The following TULP4 variants were observed in gnomAD, a reference collection of about 807,000 sequenced individuals.
TULP4 encodes the protein TUB like protein 4, also known as tubby-related protein 4.
TULP4 carries 16 observed loss-of-function variants against 129.0 expected under a neutral mutation model. The observed-to-expected ratio is 0.12, with a 90% CI of 0.08 to 0.19. TULP4 has a LOEUF of 0.19. TULP4 is among the 10% of genes least tolerant of loss of function. TULP4 has a pLI of 1.00. For synonymous variants in TULP4, 998 were observed against 854.0 expected (o/e 1.17, Z -2.94); for missense variants, 1,842 against 2,059.1 (o/e 0.89, Z 2.04).
chr6:158,314,408 T>C (rs1779439260), intron 1 of TULP4, 140 bp downstream of exon 1: 6 of 1,054,898 alleles, frequency 5.7e-6, no homozygotes, highest in South Asian at 1.6e-5. Context: ...CTGTCTCTTA[T>C]TCTCTGGCAG....
intron 3 of TULP4, among the ~76,000 whole-genome samples, chr6:158,446,800 A>G (rs1360370903): frequency 6.6e-6 from 1 of 152,142 alleles, no homozygotes; most frequent in Non-Finnish European, 1.5e-5. Flanking sequence ...GGGTCCTCAC[A>G]TGGCCTTTCC....
rs758770940 is a variant in TULP4, at chr6:158,481,057, C to A, written c.1254C>A (p.Pro418=). 10 of 1,559,752 alleles carry A rather than the reference C, an allele frequency of 6.4e-6. No homozygotes were observed. The highest frequency in any genetic ancestry group is 8.7e-6 in the Non-Finnish European group (10 of 1,149,440). Residue 418 remains proline (P), a splice_region_variant and synonymous_variant, in exon 8 of 14, where the codon CCC becomes CCA. Coordinates refer to ENST00000367097, the MANE Select transcript of TULP4 (RefSeq NM_020245.5). ...LSTAFIPTIK[P]PIPDPNNMRD... ...CATTTTCTTCCTGTATCCTCCAGCC[C>A]CCAATTCCAGATCCGAACAACATGA...
intron 1 of TULP4, among the ~76,000 whole-genome samples, chr6:158,296,288 C>T (rs1186111874): frequency 6.6e-6 from 1 of 152,076 alleles, no homozygotes; most frequent in African/African-American, 2.4e-5. Flanking sequence ...TGGGGGAACC[C>T]GCCCCCAATA....
In TULP4 at chr6:158,493,422, G is replaced by A; in HGVS notation, c.1632-151G>A. 1 of 670,212 alleles carries A rather than the reference G, an allele frequency of 1.5e-6. No homozygotes were observed. The highest frequency in any genetic ancestry group is 3.3e-5 in the Admixed American group (1 of 30,080). The allele number at this position is 670,212 out of a possible 1,614,324, so 41.5% of individuals were successfully genotyped here. A position where few individuals can be genotyped will look rare whatever the true frequency, so the allele number is the denominator to read the frequency against. Reference sequence around the variant, plus strand: ...CTCATATTCATAAAGCAAAAGCAAGGGGAGAGCTTTGTTAAATTCGGGCAC... The same window carrying A: ...CTCATATTCATAAAGCAAAAGCAAGAGGAGAGCTTTGTTAAATTCGGGCAC... On this transcript the variant is annotated intron_variant, in intron 9 of 13. Coordinates refer to ENST00000367097, the MANE Select transcript of TULP4 (RefSeq NM_020245.5). This position sits in a 1 kb window ranked among gnomAD's most constrained non-coding sequence, Gnocchi z 4.4.
At chr6:158,464,651 G>A (rs1054737014) in intron 6 of TULP4, among the ~76,000 whole-genome samples, 28 of 152,104 alleles carry the variant, frequency 1.8e-4, no homozygotes, top group African/African-American at 5.1e-4. Flanking sequence ...CGCCCTCCTC[G>A]GCCTCCTATA....
chr6:158,284,261 A>T (rs1019842783), intron 1 of TULP4, among the ~76,000 whole-genome samples: 14 of 152,206 alleles, frequency 9.2e-5, no homozygotes, highest in African/African-American at 3.1e-4. Context: ...CAGCAAATGG[A>T]GTTAAAAAGA....
chr6:158,240,499 G>T (rs1777864177), intron 1 of TULP4, among the ~76,000 whole-genome samples: 1 of 89,892 alleles, frequency 1.1e-5, no homozygotes, highest in South Asian at 3.8e-4. Flanking sequence ...CTCCCGGACA[G>T]GGCGGCTGGC....
intron 1 of TULP4, among the ~76,000 whole-genome samples, chr6:158,268,347 T>A (rs1562500213): frequency 6.6e-6 from 1 of 152,196 alleles, no homozygotes; most frequent in Non-Finnish European, 1.5e-5. Flanking sequence ...CCTTGTTTGA[T>A]CATTTTAATG....
intron 5 of TULP4, among the ~76,000 whole-genome samples, chr6:158,460,160 T>C (rs1779392998): frequency 6.6e-6 from 1 of 152,232 alleles, no homozygotes. Flanking sequence ...AAACCTGTCT[T>C]GTCCCAGGAG....
chr6:158,286,679 T>C (rs984917186), intron 1 of TULP4, among the ~76,000 whole-genome samples: 94 of 152,330 alleles, frequency 6.2e-4, no homozygotes, highest in African/African-American at 2.0e-3. Flanking sequence ...GGAACTCTTA[T>C]TGTAATGGTA....
chr6:158,488,616 A>C (rs1780121590), intron 8 of TULP4, among the ~76,000 whole-genome samples: 1 of 152,218 alleles, frequency 6.6e-6, no homozygotes, highest in South Asian at 2.1e-4. Flanking sequence ...AAATATAAAC[A>C]ACCTTTTTGG....
intron 1 of TULP4, among the ~76,000 whole-genome samples, chr6:158,269,992 C>T (rs1034381312): frequency 6.6e-6 from 1 of 152,058 alleles, no homozygotes; most frequent in East Asian, 1.9e-4. Flanking sequence ...AAAACAAAAA[C>T]ACTGAGTTTT....
intron 1 of TULP4, among the ~76,000 whole-genome samples, chr6:158,235,084 T>G (rs1413202154): frequency 1.3e-5 from 2 of 152,172 alleles, no homozygotes; most frequent in East Asian, 3.9e-4. Flanking sequence ...AAAGAATTGC[T>G]TGAACCCGGG....
At chr6:158,457,728 T>C (rs569507694) in intron 5 of TULP4, among the ~76,000 whole-genome samples, 3 of 152,208 alleles carry the variant, frequency 2.0e-5, no homozygotes, top group Non-Finnish European at 4.4e-5. Context: ...TTTGTGTTTT[T>C]TGTTTTGCAG....
intron 3 of TULP4, among the ~76,000 whole-genome samples, chr6:158,430,287 G>GC (rs1778598902): frequency 6.6e-6 from 1 of 151,162 alleles, no homozygotes; most frequent in African/African-American, 2.4e-5. Context: ...CATCCACATG[G>GC]TAAAAAGCTG....
At chr6:158,423,980 G>A (rs1778414971) in intron 2 of TULP4, among the ~76,000 whole-genome samples, 1 of 151,898 alleles carries the variant, frequency 6.6e-6, no homozygotes, top group Non-Finnish European at 1.5e-5. Context: ...AAAATGAAAA[G>A]GCAAGCCAAA....
intron 1 of TULP4, among the ~76,000 whole-genome samples, chr6:158,396,755 A>G (rs1484157742): frequency 1.3e-5 from 2 of 152,232 alleles, no homozygotes; most frequent in Non-Finnish European, 2.9e-5. Context: ...ATACATACAC[A>G]TTGTAATATA....
At chr6:158,266,057 C>G (rs747281273) in intron 1 of TULP4, among the ~76,000 whole-genome samples, 4 of 152,138 alleles carry the variant, frequency 2.6e-5, no homozygotes, top group Admixed American at 1.3e-4. Context: ...GAAAATCACC[C>G]CTAGCTTCCA....
rs531604177 is a variant in TULP4, at chr6:158,313,657, G to C, written c.-360G>C. On this transcript the variant is annotated 5_prime_UTR_variant, in exon 1 of 14. Transcript: ENST00000367097. ...TCTCAGGCTGAATGAGAATAACCAA[G>C]TGGAGTAAAAAGAAGAAAACCGTTT... is the stretch of plus-strand genomic sequence containing the variant. The C allele has an allele frequency of 6.8e-6, 3 of 442,344 alleles. No individual in the cohort carries two copies. Among genetic ancestry groups the C allele is most frequent in the South Asian group, 1.4e-4 (2 of 14,186 alleles). The allele number at this position is 442,344 out of a possible 1,614,324, so 27.4% of individuals were successfully genotyped here.
Sources: allele counts gnomAD v4.1 joint callset (sites outside exome capture counted in the v4.1 genomes callset), GRCh38; gene constraint gnomAD v4.1.1; non-coding constraint Gnocchi (gnomAD v3.1); transcripts MANE v1.5; gene names NCBI Gene and HGNC (gene_info 2026-07-23, HGNC 2026-07-21).